DEXI: variants seen among roughly 807,000 people sequenced by gnomAD.
DEXI encodes dexamethasone-induced protein.
A neutral mutation model predicts 2.5 loss-of-function variants in DEXI; 2 were observed. The ratio of observed to expected loss-of-function variants is 0.81; its 90% confidence interval spans 0.33 to 2.55. The LOEUF (loss-of-function observed/expected upper bound fraction) is 2.55. DEXI is among the 30% of genes most tolerant of loss of function. The pLI is 0.11. For synonymous variants in DEXI, 71 were observed against 68.7 expected, an observed-to-expected ratio of 1.03 and a Z score of -0.17; for missense variants, 108 against 130.3, an observed-to-expected ratio of 0.83 and a Z score of 0.83.
rs962551636 is a variant in DEXI, at chr16:10,939,784, C to T, written c.*149+1785G>A. The T allele has an allele frequency of 6.6e-6, 1 of 152,268 alleles. No individual in the cohort carries two copies. The highest frequency in any genetic ancestry group is 2.4e-5 in the African/African-American group (1 of 41,454). 9.4% of individuals were successfully genotyped at this position (152,268 alleles called of 1,614,324 possible). ...TGGCAGTGAACACAACAGGGAAGCT[C>T]ATGTCCTTCTTGCCTGCCTTCATAG... On this transcript the variant is annotated intron_variant, in intron 1 of 1. Coordinates refer to ENST00000331808, the MANE Select transcript of DEXI (RefSeq NM_014015.4). This position sits in a 1 kb window ranked among gnomAD's most constrained non-coding sequence, Gnocchi z 4.9.
chr16:10,929,191 C>G lies in DEXI; in HGVS notation c.*518G>C, dbSNP rs1273340276. 4.1e-6 allele frequency: 4 copies of G among 985,300 alleles called. No individual in the cohort carries two copies. The highest frequency in any genetic ancestry group is 3.6e-6 in the Non-Finnish European group (3 of 829,500). The allele number at this position is 985,300 out of a possible 1,614,324, so 61.0% of individuals were successfully genotyped here. The stretch of plus-strand genomic sequence containing the variant: ...ATCTAAGACCAGCCTCGGGCTAAAC[C>G]CAGCTGGCCTGAAGGCTCAACTCAC... On this transcript the variant is annotated 3_prime_UTR_variant, in exon 2 of 2. Coordinates refer to ENST00000331808, the MANE Select transcript of DEXI (RefSeq NM_014015.4). The surrounding 1 kb of genome is among the most constrained non-coding windows in gnomAD (Gnocchi z 4.3).
chr16:10,933,340 G>A (rs183746719), intron 1 of DEXI: 2 of 152,316 alleles, frequency 1.3e-5, no homozygotes, highest in African/African-American at 2.4e-5. Context: ...AGATGGCCCT[G>A]GCGTTTTACG....
intron 1 of DEXI, chr16:10,930,598 A>G (rs2040743754): frequency 6.6e-6 from 1 of 152,266 alleles, no homozygotes; most frequent in Admixed American, 6.5e-5. Flanking sequence ...CTAAAGATGC[A>G]CAGCTATGAG....
chr16:10,942,358 C>T lies in DEXI; in HGVS notation c.-353G>A. ...CCGCGGCTCAGTGTCTAGGGCCGGT[C>T]CCGGCAGCCTTCTCTCCCGCCCCGC... On this transcript the variant is annotated 5_prime_UTR_variant, in exon 1 of 2. Coordinates refer to ENST00000331808, the MANE Select transcript of DEXI (RefSeq NM_014015.4). The surrounding 1 kb of genome is among the most constrained non-coding windows in gnomAD (Gnocchi z 5.0). The T allele has an allele frequency of 5.2e-6, 1 of 193,674 alleles. No individual in the cohort carries two copies. Among genetic ancestry groups the T allele is most frequent in the Non-Finnish European group, 1.1e-5 (1 of 94,032 alleles). 12.0% of individuals were successfully genotyped at this position (193,674 alleles called of 1,614,324 possible).
chr16:10,939,150 T>G lies in DEXI; in HGVS notation c.*149+2419A>C, dbSNP rs1344657439. On this transcript the variant is annotated intron_variant, in intron 1 of 1. Transcript: ENST00000331808. The surrounding 1 kb of genome is among the most constrained non-coding windows in gnomAD (Gnocchi z 4.9). Reference sequence around the variant, plus strand: ...ATACAATCAATGCTCAGTACAGATTTTGAATGGATTCCATAGGTTCTACTT... The same window carrying G: ...ATACAATCAATGCTCAGTACAGATTGTGAATGGATTCCATAGGTTCTACTT... 6.6e-6 allele frequency: 1 copy of G among 152,234 alleles called. No homozygotes were observed. The highest frequency in any genetic ancestry group is 1.5e-5 in the Non-Finnish European group (1 of 68,042). The allele number at this position is 152,234 out of a possible 1,614,324, so 9.4% of individuals were successfully genotyped here.
Position 10,938,923 on chromosome 16 carries a change from T to C in DEXI, c.*149+2646A>G, listed in dbSNP as rs1352560453. 6.6e-6 allele frequency: 1 copy of C among 152,182 alleles called. No homozygotes were observed. Among genetic ancestry groups the C allele is most frequent in the African/African-American group, 2.4e-5 (1 of 41,440 alleles). The allele number at this position is 152,182 out of a possible 1,614,324, so 9.4% of individuals were successfully genotyped here. ...CAATGTTTTCATTTGGAAGGGGAAG[T>C]GTTTCTGTTGATGTGGTAAAGAGAT... is the stretch of plus-strand genomic sequence containing the variant. On this transcript the variant is annotated intron_variant, in intron 1 of 1. Coordinates refer to ENST00000331808, the MANE Select transcript of DEXI (RefSeq NM_014015.4). This position sits in a 1 kb window ranked among gnomAD's most constrained non-coding sequence, Gnocchi z 4.9.
rs927130930 is a variant in DEXI at position 10,941,588 on chromosome 16, G to C, written c.*130C>G. On this transcript the variant is annotated 3_prime_UTR_variant, in exon 1 of 2. Transcript: ENST00000331808. This position sits in a 1 kb window ranked among gnomAD's most constrained non-coding sequence, Gnocchi z 6.4. Reference sequence around the variant, plus strand: ...ACTTACAGGCCTCGGAGGCAGGGGAGGGTCTCCTCCTGGGGAACCATCCCC... The same window carrying C: ...ACTTACAGGCCTCGGAGGCAGGGGACGGTCTCCTCCTGGGGAACCATCCCC... 6 of 1,467,542 alleles carry C rather than the reference G, an allele frequency of 4.1e-6. No homozygotes were observed. The highest frequency in any genetic ancestry group is 1.4e-5 in the African/African-American group (1 of 70,872). 90.9% of individuals were successfully genotyped at this position (1,467,542 alleles called of 1,614,324 possible).
intron 1 of DEXI, chr16:10,932,434 C>T (rs983309485): frequency 2.0e-5 from 3 of 152,124 alleles, no homozygotes; most frequent in Non-Finnish European, 2.9e-5. Context: ...TTAAGCAAGC[C>T]GTGCAAGGCC....
In DEXI at chr16:10,937,152, T is replaced by C. The variant is rs182593035; in HGVS notation, c.*149+4417A>G. 6 of 152,404 alleles carry C rather than the reference T, an allele frequency of 3.9e-5. No individual in the cohort carries two copies. In the East Asian group the frequency reaches 1.2e-3, roughly 29 times the overall value. The allele number at this position is 152,404 out of a possible 1,614,324, so 9.4% of individuals were successfully genotyped here. A position where few individuals can be genotyped will look rare whatever the true frequency, so the allele number is the denominator to read the frequency against. Reference sequence around the variant, plus strand: ...ACGCAGCTGGCACCAATGTACCCTATGGCCAAGGACCTTCTGGGTGAGCCT... The same window carrying C: ...ACGCAGCTGGCACCAATGTACCCTACGGCCAAGGACCTTCTGGGTGAGCCT... On this transcript the variant is annotated intron_variant, in intron 1 of 1. Transcript: ENST00000331808. This position sits in a 1 kb window ranked among gnomAD's most constrained non-coding sequence, Gnocchi z 4.2.
In DEXI at chr16:10,942,109, G is replaced by A; in HGVS notation, c.-104C>T. ...CAGCGCAGCCATCCAGGGGTACCCTGGAGCCCGACAGAAGCAGGGCCGGGC... is the reference window on the plus strand; with the variant it reads ...CAGCGCAGCCATCCAGGGGTACCCTAGAGCCCGACAGAAGCAGGGCCGGGC... On this transcript the variant is annotated 5_prime_UTR_variant, in exon 1 of 2. Coordinates refer to ENST00000331808, the MANE Select transcript of DEXI (RefSeq NM_014015.4). The surrounding 1 kb of genome is among the most constrained non-coding windows in gnomAD (Gnocchi z 5.0). The A allele has an allele frequency of 4.4e-6, 4 of 915,454 alleles. No homozygotes were observed. Among genetic ancestry groups the A allele is most frequent in the Non-Finnish European group, 6.0e-6 (4 of 671,708 alleles). 56.7% of individuals were successfully genotyped at this position (915,454 alleles called of 1,614,324 possible).
At position 10,937,884 on chromosome 16, in the gene DEXI, A is replaced by G. The variant is rs79748582; in HGVS notation, c.*149+3685T>C. On this transcript the variant is annotated intron_variant, in intron 1 of 1. Transcript: ENST00000331808. The surrounding 1 kb of genome is among the most constrained non-coding windows in gnomAD (Gnocchi z 4.2). Reference sequence around the variant, plus strand: ...GCCCTGGGGACCACAGGGCAGCAAGAAAGTTCTCCTAAGGGTCCTGGGGCT... The same window carrying G: ...GCCCTGGGGACCACAGGGCAGCAAGGAAGTTCTCCTAAGGGTCCTGGGGCT... 28,355 of 152,196 alleles carry G rather than the reference A, an allele frequency of 0.19. 2,842 individuals carry two copies. Among genetic ancestry groups the G allele is most frequent in the South Asian group, 0.22 (1,061 of 4,822 alleles). The allele number at this position is 152,196 out of a possible 1,614,324, so 9.4% of individuals were successfully genotyped here. A position where few individuals can be genotyped will look rare whatever the true frequency, so the allele number is the denominator to read the frequency against.
rs917397253 is a variant in DEXI at position 10,942,211 on chromosome 16, C to T, written c.-206G>A. ...GTCACCGCACCCCGAGATGTGCCCCCAAGGATCTCTCGACCGCCCGGGCGG... is the reference window on the plus strand; with the variant it reads ...GTCACCGCACCCCGAGATGTGCCCCTAAGGATCTCTCGACCGCCCGGGCGG... On this transcript the variant is annotated 5_prime_UTR_variant, in exon 1 of 2. Coordinates refer to ENST00000331808, the MANE Select transcript of DEXI (RefSeq NM_014015.4). The surrounding 1 kb of genome is among the most constrained non-coding windows in gnomAD (Gnocchi z 5.0). 206 of 431,730 alleles carry T rather than the reference C, an allele frequency of 4.8e-4. No individual in the cohort carries two copies. The highest frequency in any genetic ancestry group is 7.3e-4 in the Non-Finnish European group (183 of 249,926). The allele number at this position is 431,730 out of a possible 1,614,324, so 26.7% of individuals were successfully genotyped here. A position where few individuals can be genotyped will look rare whatever the true frequency, so the allele number is the denominator to read the frequency against.
Position 10,942,266 on chromosome 16 carries a change from G to A in DEXI, c.-261C>T. On this transcript the variant is annotated 5_prime_UTR_variant, in exon 1 of 2. Coordinates refer to ENST00000331808, the MANE Select transcript of DEXI (RefSeq NM_014015.4). The surrounding 1 kb of genome is among the most constrained non-coding windows in gnomAD (Gnocchi z 5.0). Reference sequence around the variant, plus strand: ...GCGGGCCCCCCTGAAGTGGCCCGCGGCTGCCCGGCTCCCTCGTGGCGCCTC... The same window carrying A: ...GCGGGCCCCCCTGAAGTGGCCCGCGACTGCCCGGCTCCCTCGTGGCGCCTC... The A allele has an allele frequency of 2.9e-6, 1 of 343,384 alleles. No individual in the cohort carries two copies. Among genetic ancestry groups the A allele is most frequent in the Non-Finnish European group, 5.3e-6 (1 of 189,192 alleles). The allele number at this position is 343,384 out of a possible 1,614,324, so 21.3% of individuals were successfully genotyped here.
At position 10,942,237 on chromosome 16, in the gene DEXI, C is replaced by T; in HGVS notation, c.-232G>A. On this transcript the variant is annotated 5_prime_UTR_variant, in exon 1 of 2. Transcript: ENST00000331808. The surrounding 1 kb of genome is among the most constrained non-coding windows in gnomAD (Gnocchi z 5.0). ...AAGGATCTCTCGACCGCCCGGGCGG[C>T]GAGGCGGGCCCCCCTGAAGTGGCCC... is the stretch of plus-strand genomic sequence containing the variant. 2 of 372,822 alleles carry T rather than the reference C, an allele frequency of 5.4e-6. No individual in the cohort carries two copies. Among genetic ancestry groups the T allele is most frequent in the Non-Finnish European group, 9.6e-6 (2 of 208,590 alleles). The allele number at this position is 372,822 out of a possible 1,614,324, so 23.1% of individuals were successfully genotyped here. A position where few individuals can be genotyped will look rare whatever the true frequency, so the allele number is the denominator to read the frequency against.
chr16:10,940,164 T>C lies in DEXI; in HGVS notation c.*149+1405A>G, dbSNP rs750396175. 6.6e-6 allele frequency: 1 copy of C among 152,274 alleles called. No homozygotes were observed. Among genetic ancestry groups the C allele is most frequent in the Non-Finnish European group, 1.5e-5 (1 of 68,054 alleles). 9.4% of individuals were successfully genotyped at this position (152,274 alleles called of 1,614,324 possible). On this transcript the variant is annotated intron_variant, in intron 1 of 1. Coordinates refer to ENST00000331808, the MANE Select transcript of DEXI (RefSeq NM_014015.4). This position sits in a 1 kb window ranked among gnomAD's most constrained non-coding sequence, Gnocchi z 4.2. ...TCCTACCCCACCCTGTACCACCATC[T>C]GCAACAGACTCAATGTTTGTGTCTC...
intron 1 of DEXI, chr16:10,933,710 G>T (rs1385420649): frequency 2.0e-5 from 3 of 152,274 alleles, no homozygotes; most frequent in Non-Finnish European, 2.9e-5. Context: ...CAAGGCTAGG[G>T]GCCTTCTGAA....
Position 10,941,013 on chromosome 16 carries a change from C to A in DEXI, c.*149+556G>T. ...AACCTGACTCCAAAATAGCAGCAAA[C>A]CCAAGGCCAAAAGGAAGTACGGGCT... On this transcript the variant is annotated intron_variant, in intron 1 of 1. Transcript: ENST00000331808. This position sits in a 1 kb window ranked among gnomAD's most constrained non-coding sequence, Gnocchi z 6.4. 6.6e-6 allele frequency: 1 copy of A among 152,370 alleles called. No homozygotes were observed. Among genetic ancestry groups the A allele is most frequent in the Non-Finnish European group, 1.5e-5 (1 of 68,066 alleles). The allele number at this position is 152,370 out of a possible 1,614,324, so 9.4% of individuals were successfully genotyped here. A position where few individuals can be genotyped will look rare whatever the true frequency, so the allele number is the denominator to read the frequency against.
Position 10,929,812 on chromosome 16 carries a change from T to A in DEXI, c.*150-253A>T, listed in dbSNP as rs2040700222. On this transcript the variant is annotated intron_variant, in intron 1 of 1. Coordinates refer to ENST00000331808, the MANE Select transcript of DEXI (RefSeq NM_014015.4). The surrounding 1 kb of genome is among the most constrained non-coding windows in gnomAD (Gnocchi z 4.3). Reference sequence around the variant, plus strand: ...ACCCTGGGCTGGAGAACCAGTGCAATGTCACACGGGAGAGGAAGGACTGTC... The same window carrying A: ...ACCCTGGGCTGGAGAACCAGTGCAAAGTCACACGGGAGAGGAAGGACTGTC... 1 of 153,136 alleles carries A rather than the reference T, an allele frequency of 6.5e-6. No individual in the cohort carries two copies. Among genetic ancestry groups the A allele is most frequent in the Admixed American group, 6.5e-5 (1 of 15,280 alleles). 9.5% of individuals were successfully genotyped at this position (153,136 alleles called of 1,614,324 possible). A position where few individuals can be genotyped will look rare whatever the true frequency, so the allele number is the denominator to read the frequency against.
intron 1 of DEXI, chr16:10,930,574 G>A (rs1482678173): frequency 1.3e-5 from 2 of 152,220 alleles, no homozygotes; most frequent in South Asian, 2.1e-4. Flanking sequence ...GTTCAGAGAA[G>A]CCAAGTAACC....
Sources: allele counts gnomAD v4.1 joint callset, GRCh38; gene constraint gnomAD v4.1.1; non-coding constraint Gnocchi (gnomAD v3.1); transcripts MANE v1.5; gene names NCBI Gene and HGNC (gene_info 2026-07-23, HGNC 2026-07-21).